Variants in GPC6 observed in about 807,000 individuals in gnomAD.
GPC6 encodes the protein glypican 6.
A neutral mutation model predicts 55.2 loss-of-function variants in GPC6; 14 were observed. The ratio of observed to expected loss-of-function variants is 0.25; its 90% CI spans 0.17 to 0.40. The LOEUF (loss-of-function observed/expected upper bound fraction) is 0.40, where lower values mean the gene tolerates loss of function less well. Among genes scored for constraint, GPC6 ranks in the 10% least tolerant of loss-of-function variants. The probability of loss-of-function intolerance (pLI) is 1.00; values close to 1 mark genes in which losing one functional copy is unlikely to be tolerated. For missense variants in GPC6, 641 were observed against 708.5 expected, an observed-to-expected ratio of 0.90 and a Z score of 1.08; for synonymous variants, 278 against 259.6, an observed-to-expected ratio of 1.07 and a Z score of -0.68.
chr13:93,466,899 G>C (rs1302157349), intron 1 of GPC6, among the ~76,000 whole-genome samples: 2 of 152,134 alleles, frequency 1.3e-5, no homozygotes, highest in Admixed American at 1.3e-4. Flanking sequence ...CACTCACTCA[G>C]TCCAAATCTG....
chr13:93,670,770 G>A (rs1881326944), intron 2 of GPC6, among the ~76,000 whole-genome samples: 1 of 152,130 alleles, frequency 6.6e-6, no homozygotes, highest in Non-Finnish European at 1.5e-5. Flanking sequence ...CATCGTACAG[G>A]TCACCTTTAA....
At chr13:93,854,416 C>T (rs1888527140) in intron 3 of GPC6, among the ~76,000 whole-genome samples, 1 of 151,584 alleles carries the variant, frequency 6.6e-6, no homozygotes, top group African/African-American at 2.4e-5. Context: ...GTATTTTTCC[C>T]CAAAACTGTG....
chr13:93,629,716 G>C (rs1021106761), intron 2 of GPC6, among the ~76,000 whole-genome samples: 2 of 152,148 alleles, frequency 1.3e-5, no homozygotes, highest in Non-Finnish European at 2.9e-5. Context: ...AACAATTCAT[G>C]ATACTGCTCT....
At chr13:93,616,698 G>A (rs1001935227) in intron 2 of GPC6, among the ~76,000 whole-genome samples, 2 of 152,058 alleles carry the variant, frequency 1.3e-5, no homozygotes, top group African/African-American at 2.4e-5. Flanking sequence ...GAAGTAGCAA[G>A]TGTTGCCTTA....
intron 3 of GPC6, among the ~76,000 whole-genome samples, chr13:93,888,917 A>G (rs1249180226): frequency 1.3e-5 from 2 of 152,156 alleles, no homozygotes; most frequent in African/African-American, 4.8e-5. Context: ...TGAGCAGGAA[A>G]TAAGCCTGAT....
chr13:94,090,121 G>A (rs1405667329), intron 4 of GPC6, among the ~76,000 whole-genome samples: 2 of 152,126 alleles, frequency 1.3e-5, no homozygotes, highest in Non-Finnish European at 2.9e-5. Flanking sequence ...ACATGGCTGG[G>A]AAGGCTTCAT....
At chr13:94,390,783 C>A (rs1411223622) in intron 7 of GPC6, among the ~76,000 whole-genome samples, 1 of 152,090 alleles carries the variant, frequency 6.6e-6, no homozygotes, top group Non-Finnish European at 1.5e-5. Context: ...TTCTAAAATG[C>A]CCACTTCCCT....
chr13:93,467,879 C>T (rs982623745), intron 1 of GPC6, among the ~76,000 whole-genome samples: 1 of 152,120 alleles, frequency 6.6e-6, no homozygotes, highest in Non-Finnish European at 1.5e-5. Context: ...GTGTGAGCCA[C>T]TGTGCCCAGC....
chr13:93,345,133 T>A (rs572351573), intron 1 of GPC6, among the ~76,000 whole-genome samples: 1 of 152,286 alleles, frequency 6.6e-6, no homozygotes, highest in African/African-American at 2.4e-5. Flanking sequence ...GTTGAGGGCT[T>A]GCTGGATTTC....
chr13:93,315,064 C>T (rs1879202073), intron 1 of GPC6, among the ~76,000 whole-genome samples: 1 of 151,864 alleles, frequency 6.6e-6, no homozygotes, highest in South Asian at 2.1e-4. Flanking sequence ...GCTTTAATTT[C>T]CTAATTATTT....
At chr13:93,365,980 G>C (rs1329284045) in intron 1 of GPC6, among the ~76,000 whole-genome samples, 2 of 152,000 alleles carry the variant, frequency 1.3e-5, no homozygotes, top group Non-Finnish European at 1.5e-5. Context: ...TAGTTTCATA[G>C]TCATATTTTA....
chr13:93,918,727 G>C (rs895230947), intron 3 of GPC6, among the ~76,000 whole-genome samples: 4 of 152,126 alleles, frequency 2.6e-5, no homozygotes, highest in African/African-American at 9.7e-5. Context: ...GCGAACATCT[G>C]GAGAATCTGG....
chr13:93,728,249 C>G (rs995257048), intron 2 of GPC6, among the ~76,000 whole-genome samples: 1 of 151,810 alleles, frequency 6.6e-6, no homozygotes, highest in African/African-American at 2.4e-5. Context: ...CAGGGTCTTT[C>G]TCTGTCAGTA....
At chr13:93,658,104 C>T (rs1028995007) in intron 2 of GPC6, among the ~76,000 whole-genome samples, 1 of 151,956 alleles carries the variant, frequency 6.6e-6, no homozygotes, top group African/African-American at 2.4e-5. Flanking sequence ...TTAAGTGTAA[C>T]ATTTGATGAG....
At chr13:93,331,365 A>G (rs1022644508) in intron 1 of GPC6, among the ~76,000 whole-genome samples, 4 of 152,126 alleles carry the variant, frequency 2.6e-5, no homozygotes, top group African/African-American at 4.8e-5. Context: ...TCCTTTTTCT[A>G]TTATATTTCT....
intron 1 of GPC6, among the ~76,000 whole-genome samples, chr13:93,312,457 GTTTA>G (rs1879104801): frequency 6.6e-6 from 1 of 152,118 alleles, no homozygotes; most frequent in African/African-American, 2.4e-5. Context: ...AACTCCAGTG[GTTTA>G]TTTATTAATA....
At position 93,774,715 on chromosome 13, in the gene GPC6, C is replaced by T. The variant is rs572644014; in HGVS notation, c.320-55439C>T. On this transcript the variant is annotated intron_variant, in intron 2 of 8. Transcript: ENST00000377047. ...TCATCGGTAAGCATTTCAGAGACCCCAGTGAGACATATCCTGTTCTGGGCT... is the reference window on the plus strand; with the variant it reads ...TCATCGGTAAGCATTTCAGAGACCCTAGTGAGACATATCCTGTTCTGGGCT... 2.0e-5 allele frequency among the ~76,000 whole-genome samples: 3 copies of T among 152,220 alleles called. No homozygotes were observed. The South Asian group carries it at 6.2e-4, about 32-fold the overall frequency.
intron 7 of GPC6, among the ~76,000 whole-genome samples, chr13:94,393,243 C>T (rs74103913): frequency 0.011 from 1,682 of 152,202 alleles, 29 homozygotes; most frequent in African/African-American, 0.038. Flanking sequence ...CATCGTATCT[C>T]CAGTGGGGTC....
At chr13:94,209,973 G>A (rs936557816) in intron 4 of GPC6, among the ~76,000 whole-genome samples, 8 of 151,740 alleles carry the variant, frequency 5.3e-5, no homozygotes, top group African/African-American at 1.9e-4. Context: ...TCAGCCTCCT[G>A]AGTAGCTGGG....
Sources: allele counts gnomAD v4.1 joint callset (sites outside exome capture counted in the v4.1 genomes callset), GRCh38; gene constraint gnomAD v4.1.1; transcripts MANE v1.5; gene names NCBI Gene and HGNC (gene_info 2026-07-23, HGNC 2026-07-21).